Variants in CORO2A observed in about 807,000 individuals in gnomAD.
CORO2A encodes the protein coronin-2A.
In CORO2A, 47 loss-of-function variants were observed where a neutral mutation model predicts 62.4. That is an observed-to-expected ratio of 0.75 (90% confidence interval 0.60 to 0.96). The LOEUF is 0.96. Among genes scored for constraint, CORO2A ranks in the 40% least tolerant of loss-of-function variants. The pLI is 0.00. For missense variants in CORO2A, 610 were observed against 684.1 expected, an observed-to-expected ratio of 0.89 and a Z score of 1.21; for synonymous variants, 273 against 268.9, an observed-to-expected ratio of 1.02 and a Z score of -0.15.
chr9:98,125,648 C>T (rs1046384211), intron 11 of CORO2A, among the ~76,000 whole-genome samples: 5 of 150,872 alleles, frequency 3.3e-5, no homozygotes, highest in African/African-American at 1.2e-4. Context: ...AATGTCAGAA[C>T]TGGAAAGACT....
intron 1 of CORO2A, among the ~76,000 whole-genome samples, chr9:98,160,899 T>C (rs536770532): frequency 1.3e-5 from 2 of 152,202 alleles, no homozygotes; most frequent in Non-Finnish European, 1.5e-5. Context: ...CCAAAGCACA[T>C]GAGACCTGCC....
At chr9:98,149,447 G>A (rs555565138) in intron 2 of CORO2A, among the ~76,000 whole-genome samples, 8 of 152,294 alleles carry the variant, frequency 5.3e-5, no homozygotes, top group Admixed American at 2.0e-4. Flanking sequence ...ATGTGAGGCT[G>A]AGTATTTACA....
At chr9:98,132,450 G>A (rs1827422255) in intron 5 of CORO2A, 149 bp from the exon 6 acceptor site, 2 of 628,528 alleles carry the variant, frequency 3.2e-6, no homozygotes, top group Non-Finnish European at 5.7e-6. Flanking sequence ...TCTTCCCAGG[G>A]GCACCACCTG....
chr9:98,163,788 G>A (rs1174656538), intron 1 of CORO2A, among the ~76,000 whole-genome samples: 1 of 151,926 alleles, frequency 6.6e-6, no homozygotes, highest in Non-Finnish European at 1.5e-5. Context: ...GAGACAGAGA[G>A]AGTTTCCTGC....
intron 2 of CORO2A, among the ~76,000 whole-genome samples, chr9:98,146,878 G>A (rs1461447896): frequency 6.6e-6 from 1 of 152,178 alleles, no homozygotes; most frequent in African/African-American, 2.4e-5. Flanking sequence ...CTCCAACCCT[G>A]GTTACAACAT....
chr9:98,174,089 G>C (rs1467608470), intron 1 of CORO2A, among the ~76,000 whole-genome samples: 1 of 151,342 alleles, frequency 6.6e-6, no homozygotes, highest in African/African-American at 2.4e-5. Context: ...CCTGGGCAAC[G>C]AGAGTGAAGC....
At chr9:98,167,339 T>C (rs936711122) in intron 1 of CORO2A, among the ~76,000 whole-genome samples, 1 of 152,120 alleles carries the variant, frequency 6.6e-6, no homozygotes, top group Non-Finnish European at 1.5e-5. Flanking sequence ...TTAATGGATA[T>C]AGAGTTTCAG....
At chr9:98,147,324 C>T (rs538909395) in intron 2 of CORO2A, among the ~76,000 whole-genome samples, 1 of 151,598 alleles carries the variant, frequency 6.6e-6, no homozygotes. Context: ...TGCATACTGA[C>T]ATGTGGTAGG....
chr9:98,163,123 G>A (rs1827907807), intron 1 of CORO2A, among the ~76,000 whole-genome samples: 1 of 152,254 alleles, frequency 6.6e-6, no homozygotes, highest in African/African-American at 2.4e-5. Context: ...AGGCTCCGGG[G>A]CCTGTGAATT....
At chr9:98,158,327 T>C (rs182562716) in intron 1 of CORO2A, among the ~76,000 whole-genome samples, 47 of 152,284 alleles carry the variant, frequency 3.1e-4, no homozygotes, top group Non-Finnish European at 5.7e-4. Context: ...ATCTGCCTCA[T>C]AGCCTTGTCA....
Position 98,137,641 on chromosome 9 carries a change from G to A in CORO2A, c.249C>T (p.Gly83=). Residue 83 remains glycine, a synonymous_variant, in exon 3 of 12, where the codon GGC becomes GGT. Transcript: ENST00000375077. ...PHYPKVCGHR[G]NVLDVKWNPF... ...GGTTCCACTTGACATCCAAAACGTT[G>A]CCTCTGTGCCCGCAGACTTTTGGGT... 3 of 1,614,248 alleles carry A rather than the reference G, an allele frequency of 1.9e-6. No homozygotes were observed. The highest frequency in any genetic ancestry group is 2.5e-6 in the Non-Finnish European group (3 of 1,180,052).
intron 1 of CORO2A, among the ~76,000 whole-genome samples, chr9:98,181,667 C>T (rs973676221): frequency 6.6e-6 from 1 of 152,092 alleles, no homozygotes; most frequent in African/African-American, 2.4e-5. Context: ...TTCCTCCAGC[C>T]GGAGGGCTTT....
intron 3 of CORO2A, 110 bp downstream of exon 3, chr9:98,137,462 C>T: frequency 2.3e-6 from 2 of 860,804 alleles, no homozygotes; most frequent in Non-Finnish European, 2.0e-6. Flanking sequence ...AGTGACCTCA[C>T]CTCCGCGATG....
intron 5 of CORO2A, 22 bp from the exon 6 acceptor site, chr9:98,132,323 G>A (rs532147571): frequency 9.4e-6 from 15 of 1,594,444 alleles, no homozygotes; most frequent in Middle Eastern, 1.8e-4. Flanking sequence ...CGTGCGGTCG[G>A]TATTGGAGAG....
In CORO2A at chr9:98,124,511, A is replaced by T; in HGVS notation, c.*263T>A. 4 of 292,074 alleles carry T rather than the reference A, an allele frequency of 1.4e-5. No individual in the cohort carries two copies. The highest frequency in any genetic ancestry group is 1.9e-5 in the Non-Finnish European group (3 of 156,994). The allele number at this position is 292,074 out of a possible 1,614,324, so 18.1% of individuals were successfully genotyped here. A position where few individuals can be genotyped will look rare whatever the true frequency, so the allele number is the denominator to read the frequency against. Reference sequence around the variant, plus strand: ...GTGTTCTTTCCTCTTGAGAAGTTACAGCTCATCATGGGCCCTTAATAACAG... The same window carrying T: ...GTGTTCTTTCCTCTTGAGAAGTTACTGCTCATCATGGGCCCTTAATAACAG... On this transcript the variant is annotated 3_prime_UTR_variant, in exon 12 of 12. Coordinates refer to ENST00000375077, the MANE Select transcript of CORO2A (RefSeq NM_052820.4).
At chr9:98,186,566 G>A (rs955263829) in intron 1 of CORO2A, among the ~76,000 whole-genome samples, 1 of 152,080 alleles carries the variant, frequency 6.6e-6, no homozygotes, top group African/African-American at 2.4e-5. Flanking sequence ...TATTTTGTCT[G>A]TTTTCCTGCC....
intron 1 of CORO2A, among the ~76,000 whole-genome samples, chr9:98,169,682 T>C (rs1477957188): frequency 6.6e-6 from 1 of 152,160 alleles, no homozygotes; most frequent in African/African-American, 2.4e-5. Flanking sequence ...CTGGTCTGTC[T>C]GCTCTCCCCT....
At position 98,145,054 on chromosome 9, in the gene CORO2A, C is replaced by T. The variant is rs555107560; in HGVS notation, c.202-7366G>A. Among the ~76,000 whole-genome samples, 4 of 152,188 alleles carry T rather than the reference C, an allele frequency of 2.6e-5. No homozygotes were observed. The East Asian group carries it at 5.8e-4, about 22-fold the overall frequency. ...CACTTCTAAAATGCACAGCACATTC[C>T]CATGATTTAGGGCAGAGCATCCTTC... is the stretch of plus-strand genomic sequence containing the variant. On this transcript the variant is annotated intron_variant, in intron 2 of 11. Transcript: ENST00000375077.
chr9:98,171,756 C>T (rs959809467), intron 1 of CORO2A, among the ~76,000 whole-genome samples: 1 of 150,414 alleles, frequency 6.6e-6, no homozygotes, highest in Non-Finnish European at 1.5e-5. Context: ...GAGCTTGCAG[C>T]GCGGGGGTGG....
Sources: allele counts gnomAD v4.1 joint callset (sites outside exome capture counted in the v4.1 genomes callset), GRCh38; gene constraint gnomAD v4.1.1; transcripts MANE v1.5; gene names NCBI Gene and HGNC (gene_info 2026-07-23, HGNC 2026-07-21).